Variants in FSTL4 observed in about 807,000 individuals in gnomAD.
FSTL4 encodes the protein follistatin-related protein 4.
Under a neutral mutation model 78.2 loss-of-function variants are expected in FSTL4, and 28 were observed. The ratio of observed to expected loss-of-function variants is 0.36; its 90% confidence interval spans 0.27 to 0.49. FSTL4 has a LOEUF of 0.49. Among genes scored for constraint, FSTL4 ranks in the 20% least tolerant of loss-of-function variants. The pLI is 0.98. For missense variants in FSTL4, 922 were observed against 1,084.9 expected (o/e 0.85, Z 2.11); for synonymous variants, 422 against 440.5 (o/e 0.96, Z 0.53).
At chr5:133,656,012 C>G in the FSTL4 span, among the ~76,000 whole-genome samples, 1 of 152,288 alleles carries the variant, frequency 6.6e-6, no homozygotes, top group Admixed American at 6.5e-5. Flanking sequence ...CTCCAGGTCA[C>G]TATGCTGTGC....
chr5:133,480,462 C>T (rs777499264), intron 3 of FSTL4, among the ~76,000 whole-genome samples: 5 of 152,148 alleles, frequency 3.3e-5, no homozygotes, highest in African/African-American at 4.8e-5. Flanking sequence ...GTATAAGAGA[C>T]CTCTGGAATA....
At chr5:133,224,988 G>A (rs950099117) in intron 10 of FSTL4, among the ~76,000 whole-genome samples, 162 bp downstream of exon 10, 2 of 152,110 alleles carry the variant, frequency 1.3e-5, no homozygotes, top group Admixed American at 1.3e-4. Context: ...TCACCTCTGG[G>A]TGCCCTCCAA....
At chr5:133,762,854 C>T in the FSTL4 span, among the ~76,000 whole-genome samples, 3 of 152,172 alleles carry the variant, frequency 2.0e-5, no homozygotes, top group Admixed American at 1.3e-4. Flanking sequence ...AGTGGGATTT[C>T]CCTGACTCAC....
chr5:133,219,491 C>T (rs1332852926), intron 12 of FSTL4, among the ~76,000 whole-genome samples: 2 of 152,214 alleles, frequency 1.3e-5, no homozygotes, highest in Admixed American at 6.5e-5. Flanking sequence ...TGTGACATCA[C>T]GCTGCCTCCT....
chr5:133,711,164 G>A, the FSTL4 span, among the ~76,000 whole-genome samples: 2 of 152,322 alleles, frequency 1.3e-5, no homozygotes, highest in East Asian at 1.9e-4. Context: ...TTCCCAGAGA[G>A]CTCTGTCTCT....
chr5:133,570,363 C>A (rs1435526027), intron 2 of FSTL4, among the ~76,000 whole-genome samples: 1 of 151,960 alleles, frequency 6.6e-6, no homozygotes, highest in African/African-American at 2.4e-5. Context: ...CACACTGTGG[C>A]CCCGGCTGGA....
At chr5:133,495,354 C>G (rs1273908802) in intron 3 of FSTL4, among the ~76,000 whole-genome samples, 1 of 152,224 alleles carries the variant, frequency 6.6e-6, no homozygotes, top group Non-Finnish European at 1.5e-5. Context: ...CACGATGTGG[C>G]AGGCACACCC....
chr5:133,513,914 C>T (rs1035452197), intron 3 of FSTL4, among the ~76,000 whole-genome samples: 1 of 152,160 alleles, frequency 6.6e-6, no homozygotes, highest in African/African-American at 2.4e-5. Context: ...CGCGGTGGCT[C>T]ATGCCTGTAA....
At chr5:133,399,464 A>G (rs1756161367) in intron 4 of FSTL4, among the ~76,000 whole-genome samples, 2 of 152,210 alleles carry the variant, frequency 1.3e-5, no homozygotes, top group South Asian at 4.1e-4. Context: ...CTAGCACTCT[A>G]TGCTGCCACG....
intron 4 of FSTL4, among the ~76,000 whole-genome samples, chr5:133,358,591 CT>C (rs1173835923): frequency 0.1 from 11,991 of 115,350 alleles, 368 homozygotes; most frequent in East Asian, 0.29. Context: ...GGTTCTATTT[CT>C]TTTTTTTTTT....
At chr5:133,313,583 C>T (rs1753838959) in intron 5 of FSTL4, among the ~76,000 whole-genome samples, 1 of 151,888 alleles carries the variant, frequency 6.6e-6, no homozygotes, top group Non-Finnish European at 1.5e-5. Flanking sequence ...AGGGAAAATG[C>T]TCAGAAGGAA....
chr5:133,695,336 C>G, the FSTL4 span, among the ~76,000 whole-genome samples: 7 of 152,128 alleles, frequency 4.6e-5, no homozygotes, highest in African/African-American at 1.4e-4. Flanking sequence ...GTCCCAGACA[C>G]CCAGCACAAC....
chr5:133,717,906 A>G, the FSTL4 span, among the ~76,000 whole-genome samples: 1 of 151,810 alleles, frequency 6.6e-6, no homozygotes, highest in African/African-American at 2.4e-5. Flanking sequence ...TAGGGTAAAC[A>G]TGTGTTCATT....
the FSTL4 span, among the ~76,000 whole-genome samples, chr5:133,667,458 C>A: frequency 6.6e-6 from 1 of 152,198 alleles, no homozygotes; most frequent in Non-Finnish European, 1.5e-5. Flanking sequence ...TTGTGGCCTC[C>A]CATCCCAACC....
intron 3 of FSTL4, among the ~76,000 whole-genome samples, chr5:133,421,471 T>A (rs1207500842): frequency 2.0e-5 from 3 of 152,220 alleles, no homozygotes; most frequent in African/African-American, 7.2e-5. Flanking sequence ...TTCCCTTGCA[T>A]GATCCCAGGC....
the FSTL4 span, among the ~76,000 whole-genome samples, chr5:133,708,732 A>G: frequency 6.6e-6 from 1 of 152,228 alleles, no homozygotes; most frequent in South Asian, 2.1e-4. Context: ...AAAATTTGAG[A>G]ACCAACCAGT....
At chr5:133,448,482 CATG>C (rs1362385078) in intron 3 of FSTL4, among the ~76,000 whole-genome samples, 3 of 152,230 alleles carry the variant, frequency 2.0e-5, no homozygotes, top group Non-Finnish European at 4.4e-5. Context: ...CCTCAGAGCA[CATG>C]ATGTCAGGTG....
At position 133,265,688 on chromosome 5, in the gene FSTL4, C is replaced by T. The variant is rs545353110; in HGVS notation, c.728-16112G>A. ...GTAGTCTGAACGCAGGGGAGTCACT[C>T]CCCCTCCCACTAGGGACCCACAGGC... On this transcript the variant is annotated intron_variant, in intron 6 of 15. Coordinates refer to ENST00000265342, the MANE Select transcript of FSTL4 (RefSeq NM_015082.2). 2.6e-5 allele frequency among the ~76,000 whole-genome samples: 4 copies of T among 152,342 alleles called. No homozygotes were observed. In the South Asian group the frequency reaches 6.2e-4, roughly 24 times the overall value.
At chr5:133,223,131 TA>T (rs1751205586) in intron 11 of FSTL4, among the ~76,000 whole-genome samples, 1 of 152,202 alleles carries the variant, frequency 6.6e-6, no homozygotes, top group East Asian at 1.9e-4. Flanking sequence ...CACCACCTCT[TA>T]AACACTTGAG....
Sources: allele counts gnomAD v4.1 joint callset (sites outside exome capture counted in the v4.1 genomes callset), GRCh38; gene constraint gnomAD v4.1.1; transcripts MANE v1.5; gene names NCBI Gene and HGNC (gene_info 2026-07-23, HGNC 2026-07-21).